The following PARP4 variants were observed in gnomAD, a reference collection of about 807,000 sequenced individuals.
PARP4 encodes protein mono-ADP-ribosyltransferase PARP4.
Under a neutral mutation model 187.7 loss-of-function variants are expected in PARP4, and 120 were observed. That is an observed-to-expected ratio of 0.64 (90% confidence interval 0.55 to 0.74). The LOEUF is 0.74. Among genes scored for constraint, PARP4 ranks in the 30% least tolerant of loss-of-function variants. The pLI is 0.00. For missense variants in PARP4, 1,836 were observed against 2,070.5 expected (o/e 0.89, Z 2.20); for synonymous variants, 654 against 740.9 (o/e 0.88, Z 1.90).
chr13:24,475,821 G>A (rs116206169), intron 14 of PARP4, among the ~76,000 whole-genome samples: 1 of 150,852 alleles, frequency 6.6e-6, no homozygotes, highest in Non-Finnish European at 1.5e-5. Context: ...ATGTCACTCT[G>A]TCACCCAAGT....
At chr13:24,508,261 C>T (rs1322200344) in intron 1 of PARP4, among the ~76,000 whole-genome samples, 1 of 152,198 alleles carries the variant, frequency 6.6e-6, no homozygotes, top group Non-Finnish European at 1.5e-5. Context: ...TGCACCCCCA[C>T]TTATGCTGAC....
chr13:24,430,743 C>T (rs1462301649), intron 32 of PARP4, among the ~76,000 whole-genome samples: 1 of 152,036 alleles, frequency 6.6e-6, no homozygotes, highest in Non-Finnish European at 1.5e-5. Context: ...AGGACTTCCT[C>T]ATCTATCCCC....
intron 31 of PARP4, among the ~76,000 whole-genome samples, chr13:24,431,802 T>C (rs1352560510): frequency 6.6e-6 from 1 of 152,278 alleles, no homozygotes; most frequent in African/African-American, 2.4e-5. Context: ...ACTAGTGACA[T>C]AGTATTGTTT....
chr13:24,426,725 TA>T (rs879682555), intron 32 of PARP4, 127 bp from the exon 33 acceptor site: 30,431 of 593,094 alleles, frequency 0.051, 16 homozygotes, highest in South Asian at 0.073. Flanking sequence ...CCATCTCTGC[TA>T]AAAAAAAAAA....
At chr13:24,498,046 G>T in intron 6 of PARP4, 70 bp downstream of exon 6, 1 of 1,070,318 alleles carries the variant, frequency 9.3e-7, no homozygotes, top group Non-Finnish European at 1.4e-6. Flanking sequence ...TTGGGAGGTC[G>T]GCTGATTCAT....
At chr13:24,455,947 T>G (rs1353815755) in intron 21 of PARP4, among the ~76,000 whole-genome samples, 1 of 152,126 alleles carries the variant, frequency 6.6e-6, no homozygotes, top group Non-Finnish European at 1.5e-5. Flanking sequence ...TATTTTAACT[T>G]AAGAAGAGAC....
rs532490772 is a variant in PARP4 at position 24,470,460 on chromosome 13, C to T, written c.1915-435G>A. ...TGGGGACCTCTCTGTGGCTTTCCCCCTCTCTACACAGCCCTCATCTAGCTC... is the reference window on the plus strand; with the variant it reads ...TGGGGACCTCTCTGTGGCTTTCCCCTTCTCTACACAGCCCTCATCTAGCTC... On this transcript the variant is annotated intron_variant, in intron 15 of 33. Coordinates refer to ENST00000381989, the MANE Select transcript of PARP4 (RefSeq NM_006437.4). Among the ~76,000 whole-genome samples, 7 of 152,214 alleles carry T rather than the reference C, an allele frequency of 4.6e-5. No individual in the cohort carries two copies. The South Asian group carries it at 1.5e-3, about 32-fold the overall frequency.
intron 23 of PARP4, 132 bp downstream of exon 23, chr13:24,453,455 G>C (rs1871638406): frequency 2.0e-6 from 1 of 494,876 alleles, no homozygotes; most frequent in Non-Finnish European, 3.7e-6. Flanking sequence ...ATGAAATAAA[G>C]AGCCCACCAA....
intron 24 of PARP4, among the ~76,000 whole-genome samples, chr13:24,450,739 T>A (rs9581047): frequency 0.05 from 7,649 of 152,078 alleles, 623 homozygotes; most frequent in African/African-American, 0.17. Flanking sequence ...CTTAGAAAGA[T>A]CCCAAAAACT....
intron 17 of PARP4, among the ~76,000 whole-genome samples, chr13:24,463,694 T>C (rs548112787): frequency 2.3e-4 from 35 of 152,300 alleles, no homozygotes; most frequent in Middle Eastern, 3.4e-3. Flanking sequence ...AATATCATAC[T>C]GAATGGGCAA....
At chr13:24,468,211 A>T (rs9634403) in intron 17 of PARP4, among the ~76,000 whole-genome samples, 1 of 151,814 alleles carries the variant, frequency 6.6e-6, no homozygotes, top group Non-Finnish European at 1.5e-5. Context: ...GTATTTAAGG[A>T]AAGTAGTCTA....
At chr13:24,477,307 T>C (rs534587212) in intron 14 of PARP4, among the ~76,000 whole-genome samples, 2 of 151,998 alleles carry the variant, frequency 1.3e-5, no homozygotes, top group Non-Finnish European at 2.9e-5. Context: ...TAGTGAGAAT[T>C]TGTCTCTAAA....
intron 1 of PARP4, among the ~76,000 whole-genome samples, chr13:24,505,012 T>TTTC (rs1241293011): frequency 1.3e-5 from 2 of 148,986 alleles, no homozygotes; most frequent in Non-Finnish European, 3.0e-5. Context: ...GCTTTTTTTT[T>TTTC]TTTTTTTTTG....
chr13:24,462,491 C>T (rs1363147494), intron 17 of PARP4, among the ~76,000 whole-genome samples: 4 of 152,214 alleles, frequency 2.6e-5, no homozygotes, highest in Non-Finnish European at 5.9e-5. Flanking sequence ...TCTTCTTTTA[C>T]ACACAATGTC....
At chr13:24,502,900 G>A (rs1869383249) in intron 2 of PARP4, among the ~76,000 whole-genome samples, 1 of 152,206 alleles carries the variant, frequency 6.6e-6, no homozygotes, top group East Asian at 1.9e-4. Context: ...AACAGATGAG[G>A]CTCACAATGG....
At chr13:24,431,542 G>T in intron 31 of PARP4, 66 bp from the exon 32 acceptor site, 1 of 1,008,944 alleles carries the variant, frequency 9.9e-7, no homozygotes, top group Non-Finnish European at 1.5e-6. Flanking sequence ...AAGTTACGTA[G>T]TGGGGGAAGG....
chr13:24,500,538 T>A (rs1869216546), intron 3 of PARP4, among the ~76,000 whole-genome samples, 156 bp from the exon 4 acceptor site: 1 of 152,242 alleles, frequency 6.6e-6, no homozygotes, highest in African/African-American at 2.4e-5. Flanking sequence ...AAGAGGAAGG[T>A]ATAACCTTAT....
rs767317308 is a variant in PARP4 at position 24,455,115 on chromosome 13, A to C, written c.2660T>G (p.Met887Arg). The C allele has an allele frequency of 8.1e-6, 13 of 1,613,332 alleles. No homozygotes were observed. The highest frequency in any genetic ancestry group is 5.3e-5 in the African/African-American group (4 of 74,916). ...VIICLDCSSSMEGVTFLQAKQ... is the reference protein window; with the variant it reads ...VIICLDCSSSREGVTFLQAKQ... ...GGCTTGCAAGAATGTCACACCCTCCATGGAACTGGAGCAGTCAAGACAAAT... is the reference window on the plus strand; with the variant it reads ...GGCTTGCAAGAATGTCACACCCTCCCTGGAACTGGAGCAGTCAAGACAAAT... Residue 887 changes from methionine to arginine, a missense_variant, in exon 22 of 34, where the codon ATG (methionine) becomes AGG (arginine). Met to Arg is a moderately conservative substitution (Grantham distance 91, BLOSUM62 -1). Transcript: ENST00000381989.
At chr13:24,481,078 C>T (rs1350298019) in intron 12 of PARP4, among the ~76,000 whole-genome samples, 1 of 152,346 alleles carries the variant, frequency 6.6e-6, no homozygotes, top group African/African-American at 2.4e-5. Context: ...TGCTCACTTA[C>T]CATTCCAAAA....
Sources: gnomAD v4.1 joint callset for allele counts (sites outside exome capture counted in the v4.1 genomes callset) on GRCh38, gnomAD v4.1.1 for gene constraint, MANE v1.5 for transcripts, NCBI Gene and HGNC (gene_info 2026-07-23, HGNC 2026-07-21) for gene names.